Variants in MAST4 observed in about 807,000 individuals in gnomAD.
MAST4 encodes the protein microtubule-associated serine/threonine-protein kinase 4.
In MAST4, 89 loss-of-function variants were observed where a neutral mutation model predicts 162.7. That is an observed-to-expected ratio of 0.55 (90% CI 0.46 to 0.65). The LOEUF (loss-of-function observed/expected upper bound fraction) is 0.65, where lower values mean the gene tolerates loss of function less well. Among genes scored for constraint, MAST4 ranks in the 30% least tolerant of loss-of-function variants. The probability of loss-of-function intolerance (pLI) is 0.00; values close to 1 mark genes in which losing one functional copy is unlikely to be tolerated. For synonymous variants in MAST4, 1,479 were observed against 1,361.1 expected (o/e 1.09, Z -1.91); for missense variants, 3,153 against 3,374.0 (o/e 0.93, Z 1.62).
intron 10 of MAST4, among the ~76,000 whole-genome samples, chr5:67,107,463 A>T (rs1303428076): frequency 1.3e-5 from 2 of 152,260 alleles, no homozygotes; most frequent in Non-Finnish European, 2.9e-5. Context: ...AGCTTTGCAG[A>T]TAAAGAGCTT....
chr5:66,981,705 G>A (rs1437475464), intron 4 of MAST4, among the ~76,000 whole-genome samples: 1 of 152,086 alleles, frequency 6.6e-6, no homozygotes, highest in East Asian at 1.9e-4. Flanking sequence ...TGCAGACTAG[G>A]GCCAAGCTTA....
chr5:67,156,173 C>T (rs1772500755), intron 26 of MAST4, among the ~76,000 whole-genome samples: 1 of 151,972 alleles, frequency 6.6e-6, no homozygotes, highest in South Asian at 2.1e-4. Flanking sequence ...GTAATCCAAA[C>T]AGTTACCTTC....
At chr5:67,140,997 G>A (rs1455717689) in intron 19 of MAST4, among the ~76,000 whole-genome samples, 3 of 152,132 alleles carry the variant, frequency 2.0e-5, no homozygotes, top group African/African-American at 7.2e-5. Context: ...CCCTGGCTGG[G>A]TTTAGAGCTA....
intron 14 of MAST4, among the ~76,000 whole-genome samples, chr5:67,124,139 G>A (rs1767909692): frequency 6.6e-6 from 1 of 152,190 alleles, no homozygotes; most frequent in Non-Finnish European, 1.5e-5. Context: ...CATGGTTGGG[G>A]AGAAGCTTGG....
intron 6 of MAST4, among the ~76,000 whole-genome samples, chr5:67,094,783 A>C (rs1178619082): frequency 1.3e-5 from 2 of 152,178 alleles, no homozygotes; most frequent in East Asian, 3.9e-4. Context: ...CCAACTGAGA[A>C]ACCACCCATT....
At chr5:66,752,094 T>C (rs1753213833) in intron 1 of MAST4, among the ~76,000 whole-genome samples, 2 of 152,192 alleles carry the variant, frequency 1.3e-5, no homozygotes, top group South Asian at 4.2e-4. Flanking sequence ...AAGCAAATGC[T>C]GAGAAATTTT....
chr5:66,712,181 T>C (rs940899619), intron 1 of MAST4, among the ~76,000 whole-genome samples: 3 of 152,246 alleles, frequency 2.0e-5, no homozygotes, highest in Non-Finnish European at 4.4e-5. Context: ...AGTGTGTACA[T>C]ACACAATGCA....
intron 4 of MAST4, among the ~76,000 whole-genome samples, chr5:66,996,443 ATT>A (rs1369298848): frequency 1.3e-5 from 2 of 151,626 alleles, no homozygotes; most frequent in Non-Finnish European, 2.9e-5. Context: ...TAAAAATATC[ATT>A]GTTTTAGTTT....
intron 4 of MAST4, among the ~76,000 whole-genome samples, chr5:67,050,887 T>A (rs984622894): frequency 1.3e-5 from 2 of 152,232 alleles, no homozygotes; most frequent in Non-Finnish European, 2.9e-5. Flanking sequence ...TAGTCTCATG[T>A]TGGGCTTTCA....
At chr5:66,695,625 G>C (rs1749350936) in intron 1 of MAST4, among the ~76,000 whole-genome samples, 1 of 152,054 alleles carries the variant, frequency 6.6e-6, no homozygotes, top group African/African-American at 2.4e-5. Context: ...CCATTTTCAT[G>C]ATACTGATTT....
intron 14 of MAST4, 40 bp from the exon 15 acceptor site, chr5:67,130,170 C>G: frequency 6.4e-7 from 1 of 1,557,560 alleles, no homozygotes; most frequent in South Asian, 1.2e-5. Context: ...TCCTTACTTT[C>G]TCTCCTCCTG....
intron 1 of MAST4, among the ~76,000 whole-genome samples, chr5:66,716,832 T>C (rs1750872049): frequency 6.6e-6 from 1 of 152,158 alleles, no homozygotes; most frequent in South Asian, 2.1e-4. Context: ...TGTAGTAGAG[T>C]ACCATGACCA....
At position 66,776,623 on chromosome 5, in the gene MAST4, T is replaced by G. The variant is rs573450175; in HGVS notation, c.518-12047T>G. ...CTTAAATATTCTTCTAGGCAGTGTGTGACTAAATAATAATGAAAAATATGA... is the reference window on the plus strand; with the variant it reads ...CTTAAATATTCTTCTAGGCAGTGTGGGACTAAATAATAATGAAAAATATGA... On this transcript the variant is annotated intron_variant, in intron 2 of 28. Transcript: ENST00000403625. Among the ~76,000 whole-genome samples, 4 of 152,216 alleles carry G rather than the reference T, an allele frequency of 2.6e-5. 1 individual carries two copies. Among genetic ancestry groups the G allele is most frequent in the African/African-American group, 9.6e-5 (4 of 41,526 alleles).
Position 66,606,421 on chromosome 5 carries a change from C to T in MAST4, c.363+9403C>T, listed in dbSNP as rs1164936588. Among the ~76,000 whole-genome samples the T allele has an allele frequency of 5.3e-5, 8 of 152,086 alleles. 1 individual carries two copies. Among genetic ancestry groups the T allele is most frequent in the Admixed American group, 5.2e-4 (8 of 15,272 alleles). On this transcript the variant is annotated intron_variant, in intron 1 of 28. Transcript: ENST00000403625. Reference sequence around the variant, plus strand: ...GCTTTAGGGCTCTCTGGCCATCAGTCATCTTTGAAAACTATTGAAGATGTG... The same window carrying T: ...GCTTTAGGGCTCTCTGGCCATCAGTTATCTTTGAAAACTATTGAAGATGTG...
chr5:66,800,213 A>T (rs906295801), intron 3 of MAST4, among the ~76,000 whole-genome samples: 14 of 152,202 alleles, frequency 9.2e-5, no homozygotes, highest in African/African-American at 3.1e-4. Flanking sequence ...ATTAGAAGTT[A>T]TGGGGGAAGG....
chr5:66,630,070 T>C (rs1298857223), intron 1 of MAST4, among the ~76,000 whole-genome samples: 1 of 152,080 alleles, frequency 6.6e-6, no homozygotes, highest in Non-Finnish European at 1.5e-5. Flanking sequence ...TGGGTACATA[T>C]TAGAATCATT....
intron 4 of MAST4, among the ~76,000 whole-genome samples, chr5:67,004,343 C>T (rs1285340602): frequency 6.6e-6 from 1 of 152,210 alleles, no homozygotes; most frequent in Non-Finnish European, 1.5e-5. Context: ...TCCTCCCAGC[C>T]GGACCCTGGA....
intron 9 of MAST4, among the ~76,000 whole-genome samples, chr5:67,103,394 T>C (rs957088493): frequency 6.6e-6 from 1 of 152,248 alleles, no homozygotes; most frequent in Admixed American, 6.5e-5. Flanking sequence ...TATTTGCAAC[T>C]AACCCAACAT....
intron 3 of MAST4, among the ~76,000 whole-genome samples, chr5:66,868,898 A>C (rs901671294): frequency 1.3e-5 from 2 of 152,158 alleles, no homozygotes; most frequent in African/African-American, 4.8e-5. Flanking sequence ...TAATATCAAC[A>C]TCTGCCCCCT....
Sources: allele counts gnomAD v4.1 joint callset (sites outside exome capture counted in the v4.1 genomes callset), GRCh38; gene constraint gnomAD v4.1.1; transcripts MANE v1.5; gene names NCBI Gene and HGNC (gene_info 2026-07-23, HGNC 2026-07-21).